NUP153: variants seen among roughly 807,000 people sequenced by gnomAD.
NUP153 encodes nuclear pore complex protein Nup153.
In NUP153, 27 loss-of-function variants were observed where a neutral mutation model predicts 134.6. The ratio of observed to expected loss-of-function variants is 0.20; its 90% confidence interval spans 0.15 to 0.28. NUP153 has a LOEUF of 0.28. Among genes scored for constraint, NUP153 ranks in the 10% least tolerant of loss-of-function variants. NUP153 has a pLI of 1.00. For synonymous variants in NUP153, 640 were observed against 623.5 expected (o/e 1.03, Z -0.40); for missense variants, 1,821 against 1,731.3 (o/e 1.05, Z -0.92).
rs138007010 is a variant in NUP153 at position 17,670,863 on chromosome 6, T to C, written c.853-1317A>G. Among the ~76,000 whole-genome samples, 356 of 152,146 alleles carry C rather than the reference T, an allele frequency of 2.3e-3. 1 individual carries two copies. Among genetic ancestry groups the C allele is most frequent in the African/African-American group, 8.0e-3 (332 of 41,494 alleles). ...TCTCAGTCTGTTGCCCAGGCTGGAG[T>C]GCGGTGGCACAATCTCGGCTCACTG... On this transcript the variant is annotated intron_variant, in intron 5 of 21. Transcript: ENST00000262077.
Position 17,675,586 on chromosome 6 carries a change from G to C in NUP153, c.519C>G (p.Thr173=), listed in dbSNP as rs1315191963. ...FSLVKEIKDS[T]SQHDDDNIST... ...AGATGTTATCATCATCATGCTGAGAGGTAGAATCTTTAATTTCCTTTACAA... is the reference window on the plus strand; with the variant it reads ...AGATGTTATCATCATCATGCTGAGACGTAGAATCTTTAATTTCCTTTACAA... The change falls in exon 3 of 22, where the codon ACC becomes ACG. Residue 173 remains threonine, a synonymous_variant. Transcript: ENST00000262077. The surrounding 1 kb of genome is among the most constrained non-coding windows in gnomAD (Gnocchi z 4.4). 1 of 1,613,914 alleles carries C rather than the reference G, an allele frequency of 6.2e-7. No individual in the cohort carries two copies.
At chr6:17,644,929 C>T (rs1178864940) in intron 14 of NUP153, among the ~76,000 whole-genome samples, 2 of 151,912 alleles carry the variant, frequency 1.3e-5, no homozygotes, top group Non-Finnish European at 2.9e-5. Context: ...ATTAAAAATA[C>T]AAAAAAATTA....
chr6:17,654,191 G>A (rs1238594525), intron 11 of NUP153, among the ~76,000 whole-genome samples: 1 of 152,116 alleles, frequency 6.6e-6, no homozygotes, highest in Non-Finnish European at 1.5e-5. Context: ...TTTTTGTAGG[G>A]AAGCTTCTCT....
chr6:17,648,477 C>A (rs1160271977), intron 12 of NUP153, among the ~76,000 whole-genome samples: 2 of 152,038 alleles, frequency 1.3e-5, no homozygotes, highest in East Asian at 3.9e-4. Flanking sequence ...ATTAGCCGGG[C>A]ATGGTGGTGC....
chr6:17,649,128 C>T lies in NUP153; in HGVS notation c.1533+35G>A, dbSNP rs774778606. ...TTTTAAATAAAGAATTAAGAAAGAACAAATGTCACCTGTATTTATATAATG... is the reference window on the plus strand; with the variant it reads ...TTTTAAATAAAGAATTAAGAAAGAATAAATGTCACCTGTATTTATATAATG... On this transcript the variant is annotated intron_variant, in intron 12 of 21. Coordinates refer to ENST00000262077, the MANE Select transcript of NUP153 (RefSeq NM_005124.4). 11 of 1,539,814 alleles carry T rather than the reference C, an allele frequency of 7.1e-6. No individual in the cohort carries two copies. In the South Asian group the frequency reaches 1.1e-4, roughly 16 times the overall value.
intron 14 of NUP153, among the ~76,000 whole-genome samples, chr6:17,643,675 T>C (rs1327583343): frequency 6.6e-6 from 1 of 152,176 alleles, no homozygotes. Flanking sequence ...CACAAAGTAA[T>C]CATGACTTCC....
intron 20 of NUP153, among the ~76,000 whole-genome samples, chr6:17,623,042 A>C (rs147231802): frequency 0.012 from 1,870 of 151,926 alleles, 41 homozygotes; most frequent in African/African-American, 0.042. Flanking sequence ...AGGCAGAAGA[A>C]TCACTTGAAC....
Position 17,629,265 on chromosome 6 carries a change from A to G in NUP153, c.2934T>C (p.Asn978=), listed in dbSNP as rs1226757318. ...KPEEVKKDSK[N]DNFKFGLSSG... ...AAGAAAGTCCAAACTTAAAATTATC[A>G]TTCTTACTATCTTTTTTAACTTCTT... Residue 978 remains asparagine, a synonymous_variant, in exon 18 of 22, where the codon AAT becomes AAC. Transcript: ENST00000262077. 1 of 1,612,074 alleles carries G rather than the reference A, an allele frequency of 6.2e-7. No individual in the cohort carries two copies. Among genetic ancestry groups the G allele is most frequent in the Non-Finnish European group, 8.5e-7 (1 of 1,179,518 alleles).
At chr6:17,698,863 A>G (rs1242092503) in intron 1 of NUP153, among the ~76,000 whole-genome samples, 1 of 151,602 alleles carries the variant, frequency 6.6e-6, no homozygotes, top group Non-Finnish European at 1.5e-5. Flanking sequence ...ACAGAGTGAC[A>G]CTGTCTTAAA....
At chr6:17,698,413 G>A (rs559053920) in intron 1 of NUP153, among the ~76,000 whole-genome samples, 226 of 152,182 alleles carry the variant, frequency 1.5e-3, no homozygotes, top group African/African-American at 4.8e-3. Flanking sequence ...GGAATATGGC[G>A]AAACCCTGTC....
intron 1 of NUP153, among the ~76,000 whole-genome samples, chr6:17,705,770 C>T (rs1190961821): frequency 6.6e-6 from 1 of 152,074 alleles, no homozygotes; most frequent in Non-Finnish European, 1.5e-5. Flanking sequence ...CTAAGTTATT[C>T]CACTTTCCAT....
chr6:17,651,784 G>A, intron 11 of NUP153: 2 of 552,266 alleles, frequency 3.6e-6, no homozygotes, highest in Non-Finnish European at 6.9e-6. Context: ...TCTCATGAGG[G>A]CCTCAAAATC....
intron 1 of NUP153, among the ~76,000 whole-genome samples, chr6:17,699,481 CAA>C (rs147055009): frequency 8.2e-5 from 8 of 97,528 alleles, no homozygotes; most frequent in Admixed American, 1.1e-4. Context: ...AGACTCGTCT[CAA>C]AAAAAAAAAA....
chr6:17,692,994 A>C (rs1050661447), intron 1 of NUP153, among the ~76,000 whole-genome samples: 3 of 152,120 alleles, frequency 2.0e-5, no homozygotes, highest in Non-Finnish European at 4.4e-5. Context: ...AAATATTCTA[A>C]AGTGAATCAG....
At chr6:17,678,352 CAAAAAAAAA>C (rs11428582) in intron 2 of NUP153, among the ~76,000 whole-genome samples, 28 of 68,238 alleles carry the variant, frequency 4.1e-4, no homozygotes, top group Admixed American at 2.9e-3. Flanking sequence ...CCCTCTGTCT[CAAAAAAAAA>C]AAAAAAAAAA....
At chr6:17,649,539 A>T (rs892294645) in intron 11 of NUP153, among the ~76,000 whole-genome samples, 1 of 143,404 alleles carries the variant, frequency 7.0e-6, no homozygotes, top group Non-Finnish European at 1.5e-5. Flanking sequence ...AAACTGAGGG[A>T]AAAAAGATAG....
At chr6:17,673,654 G>T (rs1201886261) in intron 5 of NUP153, among the ~76,000 whole-genome samples, 1 of 152,080 alleles carries the variant, frequency 6.6e-6, no homozygotes, top group Non-Finnish European at 1.5e-5. Context: ...ATCAGAAGTT[G>T]GGGTTACCAC....
Position 17,693,183 on chromosome 6 carries a change from T to TACACACACACACACACACAC in NUP153, c.112-4585_112-4566dup, listed in dbSNP as rs67348223. Among the ~76,000 whole-genome samples the TACACACACACACACACACAC allele has an allele frequency of 1.6e-3, 229 of 145,928 alleles. 2 individuals are homozygous for TACACACACACACACACACAC. Among genetic ancestry groups the TACACACACACACACACACAC allele is most frequent in the African/African-American group, 5.3e-3 (209 of 39,286 alleles). On this transcript the variant is annotated intron_variant, in intron 1 of 21. Transcript: ENST00000262077. Reference sequence around the variant, plus strand: ...CTTTTCTTAAAATTTAGCTTTTTCCTACACACACACACACACACACACACA... The same window carrying TACACACACACACACACACAC: ...CTTTTCTTAAAATTTAGCTTTTTCCTACACACACACACACACACACACACACACACACACACACACACACA...
intron 17 of NUP153, among the ~76,000 whole-genome samples, chr6:17,629,814 T>G (rs925506014): frequency 6.6e-6 from 1 of 152,210 alleles, no homozygotes; most frequent in African/African-American, 2.4e-5. Context: ...GTGATGAGAC[T>G]GGAAGTAACA....
Sources: allele counts gnomAD v4.1 joint callset (sites outside exome capture counted in the v4.1 genomes callset), GRCh38; gene constraint gnomAD v4.1.1; non-coding constraint Gnocchi (gnomAD v3.1); transcripts MANE v1.5; gene names NCBI Gene and HGNC (gene_info 2026-07-23, HGNC 2026-07-21).